CWF19L2: variants seen among roughly 807,000 people sequenced by gnomAD.
The protein encoded by CWF19L2 is CWF19 like cell cycle control factor 2.
A neutral mutation model predicts 111.7 loss-of-function variants in CWF19L2; 98 were observed. The ratio of observed to expected loss-of-function variants is 0.88; its 90% CI spans 0.75 to 1.04. CWF19L2 has a LOEUF of 1.04. Among genes scored for constraint, CWF19L2 ranks in the 50% least tolerant of loss-of-function variants. The pLI is 0.00. For missense variants in CWF19L2, 1,101 were observed against 1,051.4 expected, an observed-to-expected ratio of 1.05 and a Z score of -0.65; for synonymous variants, 351 against 342.9, an observed-to-expected ratio of 1.02 and a Z score of -0.26.
chr11:107,344,604 T>C (rs1223902867), intron 14 of CWF19L2, among the ~76,000 whole-genome samples: 1 of 152,234 alleles, frequency 6.6e-6, no homozygotes, highest in African/African-American at 2.4e-5. Flanking sequence ...AATTGTACTT[T>C]CCTTACAGCA....
rs1246664372 is a variant in CWF19L2 at position 107,442,780 on chromosome 11, AAGGAAGGAAGGAAGGGAGGGAGGGAGGG to A, written c.450+131_450+158del. Among the ~76,000 whole-genome samples, 101 of 49,714 alleles carry A rather than the reference AAGGAAGGAAGGAAGGGAGGGAGGGAGGG, an allele frequency of 2.0e-3. 1 individual carries two copies. Among genetic ancestry groups the A allele is most frequent in the East Asian group, 3.4e-3 (7 of 2,044 alleles). The allele number at this position is 49,714 out of a possible 152,430, so 32.6% of individuals were successfully genotyped here. On this transcript the variant is annotated intron_variant, in intron 4 of 17. Coordinates refer to ENST00000282251, the MANE Select transcript of CWF19L2 (RefSeq NM_152434.3). ...GAAGGAAGGAAGGAAGGAAGGAAGGAAGGAAGGAAGGAAGGGAGGGAGGGAGGGAGGGAGGGAGGGGGAGGGAGGGAGA... is the reference window on the plus strand; with the variant it reads ...GAAGGAAGGAAGGAAGGAAGGAAGGAAGGGAGGGAGGGGGAGGGAGGGAGA...
chr11:107,387,659 T>G (rs1214579548), intron 12 of CWF19L2, among the ~76,000 whole-genome samples: 1 of 152,000 alleles, frequency 6.6e-6, no homozygotes, highest in Non-Finnish European at 1.5e-5. Flanking sequence ...AGGATGAAAC[T>G]ATTACACCTC....
intron 14 of CWF19L2, among the ~76,000 whole-genome samples, chr11:107,346,817 C>T (rs1860086867): frequency 6.6e-6 from 1 of 152,164 alleles, no homozygotes; most frequent in Non-Finnish European, 1.5e-5. Context: ...AGCCTTCTTC[C>T]CCCATTCAGC....
At chr11:107,403,406 T>A in intron 10 of CWF19L2, 1 of 757,754 alleles carries the variant, frequency 1.3e-6, no homozygotes, top group Non-Finnish European at 2.4e-6. Flanking sequence ...CACTTATTCT[T>A]TTTTCTCATC....
At chr11:107,456,053 C>A (rs1591216116) in intron 1 of CWF19L2, among the ~76,000 whole-genome samples, 1 of 152,200 alleles carries the variant, frequency 6.6e-6, no homozygotes, top group African/African-American at 2.4e-5. Context: ...GCCCTCCCAT[C>A]TCTCTAAGCT....
chr11:107,411,969 CA>C (rs1172094366), intron 10 of CWF19L2, among the ~76,000 whole-genome samples: 1 of 152,164 alleles, frequency 6.6e-6, no homozygotes, highest in Non-Finnish European at 1.5e-5. Flanking sequence ...GCACTGCTCC[CA>C]TGAAGCTTGT....
intron 10 of CWF19L2, among the ~76,000 whole-genome samples, chr11:107,401,199 C>G (rs552283585): frequency 1.3e-5 from 2 of 152,242 alleles, no homozygotes; most frequent in South Asian, 4.1e-4. Context: ...CAACACAGTA[C>G]TGGAAGCCCT....
intron 8 of CWF19L2, among the ~76,000 whole-genome samples, chr11:107,418,817 C>A (rs1360614982): frequency 6.6e-6 from 1 of 152,102 alleles, no homozygotes; most frequent in African/African-American, 2.4e-5. Flanking sequence ...TGTGCCAAAC[C>A]TATACTATGG....
Position 107,428,864 on chromosome 11 carries a change from A to G in CWF19L2, c.1368T>C (p.Asp456=), listed in dbSNP as rs751914452. 1.2e-6 allele frequency: 2 copies of G among 1,613,454 alleles called. No individual in the cohort carries two copies. The highest frequency in any genetic ancestry group is 2.2e-5 in the South Asian group (2 of 91,060). Residue 456 remains aspartate (D), a synonymous_variant, in exon 8 of 18, where the codon GAT becomes GAC. Coordinates refer to ENST00000282251, the MANE Select transcript of CWF19L2 (RefSeq NM_152434.3). The part of the protein sequence containing the change: ...VPEDPREKSQ[D]EVLRDDPPKK... The stretch of plus-strand genomic sequence containing the variant: ...TTGGAGGGTCATCTCTCAAGACTTC[A>G]TCTTGTGATTTTTCTCTTGGGTCTT...
chr11:107,355,426 AAAAC>A (rs1303561725), intron 12 of CWF19L2, among the ~76,000 whole-genome samples: 2 of 142,328 alleles, frequency 1.4e-5, no homozygotes, highest in Admixed American at 7.0e-5. Context: ...AAAAAAAAAA[AAAAC>A]AAACAAAAGC....
chr11:107,455,576 C>A, intron 2 of CWF19L2, 90 bp downstream of exon 2: 2 of 707,704 alleles, frequency 2.8e-6, no homozygotes, highest in South Asian at 2.2e-5. Context: ...CTTATGAAAA[C>A]ATTCTATAAA....
At chr11:107,347,930 C>T (rs1009603003) in intron 14 of CWF19L2, among the ~76,000 whole-genome samples, 2 of 152,070 alleles carry the variant, frequency 1.3e-5, no homozygotes, top group Admixed American at 1.3e-4. Context: ...TTTTAAAAGG[C>T]TTCCTGGAAA....
intron 10 of CWF19L2, chr11:107,403,684 G>A (rs1168184990): frequency 1.3e-6 from 1 of 782,526 alleles, no homozygotes; most frequent in East Asian, 2.4e-5. Flanking sequence ...CAGGAATGAT[G>A]CTGCCCTGAC....
chr11:107,444,151 C>T (rs652429), intron 3 of CWF19L2, among the ~76,000 whole-genome samples: 26,833 of 150,638 alleles, frequency 0.18, 2,579 homozygotes, highest in Middle Eastern at 0.28. Flanking sequence ...CCGTATATTC[C>T]TCCTCTAGCA....
At chr11:107,336,760 C>G (rs1591148496) in intron 14 of CWF19L2, 47 bp from the exon 15 acceptor site, 2 of 974,090 alleles carry the variant, frequency 2.1e-6, no homozygotes, top group East Asian at 5.9e-5. Context: ...AAAGGAGATT[C>G]AAAATCAAGC....
At chr11:107,387,091 G>C (rs930276551) in intron 12 of CWF19L2, among the ~76,000 whole-genome samples, 1 of 151,670 alleles carries the variant, frequency 6.6e-6, no homozygotes, top group African/African-American at 2.4e-5. Flanking sequence ...ATCTATATGG[G>C]AGAACCAGCA....
At chr11:107,397,735 C>T (rs575531601) in intron 10 of CWF19L2, among the ~76,000 whole-genome samples, 5 of 152,176 alleles carry the variant, frequency 3.3e-5, no homozygotes, top group Non-Finnish European at 7.3e-5. Flanking sequence ...AGAATTAAAC[C>T]ACCAAAGCTA....
intron 3 of CWF19L2, among the ~76,000 whole-genome samples, chr11:107,449,242 A>G (rs1861745494): frequency 6.6e-6 from 1 of 152,026 alleles, no homozygotes; most frequent in South Asian, 2.1e-4. Context: ...TTGTGGTAAA[A>G]GAAAAAAAGA....
rs630782 is a variant in CWF19L2 at position 107,326,810 on chromosome 11, C to T, written c.*100G>A. ...GACCCAGAGCAGTCTGCTGCTGTGA[C>T]TCTCTCTGCCTGTGACCTGAGGGTC... is the stretch of plus-strand genomic sequence containing the variant. On this transcript the variant is annotated 3_prime_UTR_variant, in exon 18 of 18. Transcript: ENST00000282251. 475,871 of 997,480 alleles carry T rather than the reference C, an allele frequency of 0.48. 116,066 individuals are homozygous for T. The highest frequency in any genetic ancestry group is 0.69 in the African/African-American group (41,428 of 60,440). The allele number at this position is 997,480 out of a possible 1,614,324, so 61.8% of individuals were successfully genotyped here. A position where few individuals can be genotyped will look rare whatever the true frequency, so the allele number is the denominator to read the frequency against.
Sources: allele counts gnomAD v4.1 joint callset (sites outside exome capture counted in the v4.1 genomes callset), GRCh38; gene constraint gnomAD v4.1.1; transcripts MANE v1.5; gene names NCBI Gene and HGNC (gene_info 2026-07-23, HGNC 2026-07-21).